Variants in GLIS1 observed in about 807,000 individuals in gnomAD.
GLIS1 encodes zinc finger protein GLIS1.
Under a neutral mutation model 63.8 loss-of-function variants are expected in GLIS1, and 24 were observed. The observed-to-expected ratio is 0.38, with a 90% confidence interval of 0.27 to 0.53. The LOEUF (loss-of-function observed/expected upper bound fraction) is 0.53, where lower values mean the gene tolerates loss of function less well. Ranked by LOEUF, GLIS1 falls within the 20% of genes least tolerant of loss-of-function variation. The pLI is 0.85. For missense variants in GLIS1, 1,036 were observed against 1,074.1 expected (o/e 0.96, Z 0.50); for synonymous variants, 450 against 482.5 (o/e 0.93, Z 0.88).
At chr1:53,674,034 T>C (rs1425205130) in intron 2 of GLIS1, among the ~76,000 whole-genome samples, 1 of 151,930 alleles carries the variant, frequency 6.6e-6, no homozygotes, top group East Asian at 1.9e-4. Flanking sequence ...TAGCTGGGCA[T>C]GGGGGCACGC....
Position 53,623,206 on chromosome 1 carries a change from G to GAAA in GLIS1, c.260-22931_260-22929dup, listed in dbSNP as rs1432549770. 2.6e-5 allele frequency among the ~76,000 whole-genome samples: 4 copies of GAAA among 152,156 alleles called. No homozygotes were observed. The East Asian group carries it at 7.7e-4, about 29-fold the overall frequency. On this transcript the variant is annotated intron_variant, in intron 2 of 10. Coordinates refer to ENST00000628545, the MANE Select transcript of GLIS1 (RefSeq NM_001367484.1). ...TCAAATTCAGCAATATATATTAATA[G>GAAA]AAAAGATAACAAACACATCATGACC...
chr1:53,613,419 T>C (rs879855735), intron 2 of GLIS1, among the ~76,000 whole-genome samples: 3 of 152,186 alleles, frequency 2.0e-5, no homozygotes, highest in Non-Finnish European at 1.5e-5. Flanking sequence ...AGTCAAAGAA[T>C]ATGCAAAATT....
At chr1:53,581,849 C>G (rs1463748549) in intron 4 of GLIS1, among the ~76,000 whole-genome samples, 1 of 152,208 alleles carries the variant, frequency 6.6e-6, no homozygotes, top group African/African-American at 2.4e-5. Context: ...CCTGCCCTTT[C>G]CATGCCCTCC....
intron 10 of GLIS1, among the ~76,000 whole-genome samples, chr1:53,508,408 G>T (rs1351710622): frequency 6.6e-6 from 1 of 152,194 alleles, no homozygotes; most frequent in African/African-American, 2.4e-5. Context: ...TCTGGGGCGG[G>T]TCTCAGGTTC....
intron 4 of GLIS1, among the ~76,000 whole-genome samples, chr1:53,562,226 C>T (rs1451640188): frequency 6.6e-6 from 1 of 152,138 alleles, no homozygotes; most frequent in African/African-American, 2.4e-5. Context: ...GAGGCCAGAC[C>T]ATCTCTTCTT....
intron 7 of GLIS1, among the ~76,000 whole-genome samples, chr1:53,516,579 G>A (rs988382308): frequency 5.9e-5 from 9 of 151,952 alleles, no homozygotes; most frequent in African/African-American, 2.2e-4. Flanking sequence ...TTGGGAGGCC[G>A]AGGCGGGAGG....
At chr1:53,515,888 A>G (rs908288104) in intron 7 of GLIS1, among the ~76,000 whole-genome samples, 3 of 150,578 alleles carry the variant, frequency 2.0e-5, no homozygotes, top group African/African-American at 7.4e-5. Flanking sequence ...CCCAGAATGG[A>G]GCCCAGGCCT....
At position 53,516,152 on chromosome 1, in the gene GLIS1, G is replaced by C. The variant is rs547707503; in HGVS notation, c.1727-1371C>G. 4.1e-4 allele frequency among the ~76,000 whole-genome samples: 62 copies of C among 152,258 alleles called. 1 individual carries two copies. The South Asian group carries it at 6.6e-3, about 16-fold the overall frequency. The stretch of plus-strand genomic sequence containing the variant: ...ATGTGGTGTCCATTCTGATTGGCCA[G>C]TGTGCACCAGGGCAGCTGTTACATG... On this transcript the variant is annotated intron_variant, in intron 7 of 10. Coordinates refer to ENST00000628545, the MANE Select transcript of GLIS1 (RefSeq NM_001367484.1).
chr1:53,595,925 G>A (rs1557471331), intron 3 of GLIS1, among the ~76,000 whole-genome samples: 3 of 152,172 alleles, frequency 2.0e-5, no homozygotes, highest in African/African-American at 4.8e-5. Context: ...ATGAAACTGC[G>A]ATTTTGGGGA....
intron 2 of GLIS1, among the ~76,000 whole-genome samples, chr1:53,726,156 G>T (rs1017610557): frequency 2.6e-5 from 4 of 152,192 alleles, no homozygotes; most frequent in Non-Finnish European, 5.9e-5. Flanking sequence ...GGAGGAGGAA[G>T]TTTTTTGACT....
At chr1:53,725,022 C>A (rs797906) in intron 2 of GLIS1, among the ~76,000 whole-genome samples, 61,715 of 151,878 alleles carry the variant, frequency 0.41, 13,093 homozygotes, top group African/African-American at 0.52. Context: ...ATAGCTCTTC[C>A]GTATTCTGAG....
chr1:53,662,296 G>A (rs11206187), intron 2 of GLIS1, among the ~76,000 whole-genome samples: 28,213 of 152,056 alleles, frequency 0.19, 2,780 homozygotes, highest in East Asian at 0.33. Flanking sequence ...ATCATCATTC[G>A]AAACAGGCTT....
chr1:53,723,440 A>T (rs2100555304), intron 2 of GLIS1, among the ~76,000 whole-genome samples: 1 of 152,084 alleles, frequency 6.6e-6, no homozygotes, highest in Admixed American at 6.5e-5. Context: ...CGCCATGTTG[A>T]CTAGGCTGGT....
At chr1:53,606,746 G>A (rs547591500) in intron 2 of GLIS1, among the ~76,000 whole-genome samples, 7 of 152,378 alleles carry the variant, frequency 4.6e-5, no homozygotes, top group South Asian at 2.1e-4. Context: ...CAGAGGGGCC[G>A]TAACCTCAGC....
chr1:53,543,823 C>G (rs1171455627), intron 4 of GLIS1, among the ~76,000 whole-genome samples: 1 of 152,082 alleles, frequency 6.6e-6, no homozygotes, highest in Non-Finnish European at 1.5e-5. Context: ...ATCTGCCGGC[C>G]AGGCAGGCCA....
chr1:53,524,675 C>T lies in GLIS1; in HGVS notation c.1593+102G>A, dbSNP rs910687759. 43 of 782,790 alleles carry T rather than the reference C, an allele frequency of 5.5e-5. No individual in the cohort carries two copies. In the African/African-American group the frequency reaches 6.6e-4, roughly 12 times the overall value. The allele number at this position is 782,790 out of a possible 1,614,324, so 48.5% of individuals were successfully genotyped here. A position where few individuals can be genotyped will look rare whatever the true frequency, so the allele number is the denominator to read the frequency against. ...GATGGACGAACAGTGGCATACAGGG[C>T]GAGTGGGTGGGCAGATGCATGTGTT... is the stretch of plus-strand genomic sequence containing the variant. On this transcript the variant is annotated intron_variant, in intron 6 of 10. Coordinates refer to ENST00000628545, the MANE Select transcript of GLIS1 (RefSeq NM_001367484.1).
intron 5 of GLIS1, 136 bp downstream of exon 5, chr1:53,529,655 A>T: frequency 2.3e-6 from 2 of 858,484 alleles, no homozygotes; most frequent in Non-Finnish European, 3.6e-6. Context: ...ACACCATCCG[A>T]CCCACTGCCC....
intron 2 of GLIS1, among the ~76,000 whole-genome samples, chr1:53,678,334 G>T (rs774849458): frequency 0.045 from 6,083 of 135,630 alleles, 273 homozygotes; most frequent in African/African-American, 0.085. Flanking sequence ...GGTGAGGGGG[G>T]GGGGGTGGGG....
chr1:53,599,215 C>T (rs538261168), intron 3 of GLIS1, among the ~76,000 whole-genome samples: 1 of 152,312 alleles, frequency 6.6e-6, no homozygotes, highest in South Asian at 2.1e-4. Flanking sequence ...CATGCTGAAA[C>T]TTAATCCCAA....
Sources: gnomAD v4.1 joint callset for allele counts (sites outside exome capture counted in the v4.1 genomes callset) on GRCh38, gnomAD v4.1.1 for gene constraint, MANE v1.5 for transcripts, NCBI Gene and HGNC (gene_info 2026-07-23, HGNC 2026-07-21) for gene names.